The following ABLIM2 variants were observed in gnomAD, a reference collection of about 807,000 sequenced individuals.
ABLIM2 encodes actin binding LIM protein family member 2.
Under a neutral mutation model 97.7 loss-of-function variants are expected in ABLIM2, and 53 were observed. That is an observed-to-expected ratio of 0.54 (90% CI 0.44 to 0.68). The LOEUF is 0.68. Ranked by LOEUF, ABLIM2 falls within the 30% of genes least tolerant of loss-of-function variation. The pLI, the probability that ABLIM2 is intolerant of heterozygous loss-of-function variation, is 0.00. For synonymous variants in ABLIM2, 361 were observed against 345.8 expected, an observed-to-expected ratio of 1.04 and a Z score of -0.49; for missense variants, 835 against 867.2, an observed-to-expected ratio of 0.96 and a Z score of 0.47.
At position 7,970,391 on chromosome 4, in the gene ABLIM2, C is replaced by T. The variant is rs992030413; in HGVS notation, c.1825-3288G>A. Among the ~76,000 whole-genome samples the T allele has an allele frequency of 1.3e-5, 2 of 151,938 alleles. No homozygotes were observed. The highest frequency in any genetic ancestry group is 1.9e-4 in the East Asian group (1 of 5,160). ...TGGTGTGCCCCCTGCCATCTGCAAT[C>T]GTGTACTTAAAGGGAGGAGGACTGG... is the stretch of plus-strand genomic sequence containing the variant. On this transcript the variant is annotated intron_variant, in intron 20 of 20. Transcript: ENST00000447017. The surrounding 1 kb of genome is among the most constrained non-coding windows in gnomAD (Gnocchi z 5.3).
chr4:8,153,599 G>C (rs1713860557), intron 1 of ABLIM2, among the ~76,000 whole-genome samples: 1 of 152,228 alleles, frequency 6.6e-6, no homozygotes, highest in South Asian at 2.1e-4. Flanking sequence ...AGCTGCCTGT[G>C]CTAAGCTCCC....
chr4:8,035,686 G>C (rs191792315), intron 10 of ABLIM2, among the ~76,000 whole-genome samples: 1 of 152,238 alleles, frequency 6.6e-6, no homozygotes, highest in Non-Finnish European at 1.5e-5. Context: ...ATAATCTGTG[G>C]TTCAACCAGG....
chr4:7,973,075 CTGTGTGTGTG>C (rs71175444), intron 20 of ABLIM2, among the ~76,000 whole-genome samples: 3 of 123,972 alleles, frequency 2.4e-5, no homozygotes, highest in Non-Finnish European at 5.1e-5. Context: ...GCTCCCCTTG[CTGTGTGTGTG>C]TGTGTGTGTG....
At chr4:8,142,924 G>C (rs1851214597) in intron 1 of ABLIM2, among the ~76,000 whole-genome samples, 2 of 152,288 alleles carry the variant, frequency 1.3e-5, no homozygotes, top group Admixed American at 1.3e-4. Flanking sequence ...GAGGAAGATA[G>C]CTCAGTGAAT....
chr4:8,088,230 G>A lies in ABLIM2; in HGVS notation c.393C>T (p.Cys131=), dbSNP rs1277563593. Residue 131 remains cysteine (C), a synonymous_variant, in exon 4 of 21, where the codon TGC becomes TGT. Coordinates refer to ENST00000447017, the MANE Select transcript of ABLIM2 (RefSeq NM_001130083.2). ...RVTFNGKECM[C]QKCSLPVSVG... ...CCGATACGGGCAGGGAACACTTCTGGCACATGCATTCCTTCCCGTTGAAGG... is the reference window on the plus strand; with the variant it reads ...CCGATACGGGCAGGGAACACTTCTGACACATGCATTCCTTCCCGTTGAAGG... The A allele has an allele frequency of 6.2e-7, 1 of 1,613,070 alleles. No homozygotes were observed. The highest frequency in any genetic ancestry group is 8.5e-7 in the Non-Finnish European group (1 of 1,179,694).
intron 16 of ABLIM2, chr4:8,007,736 C>T (rs984915117): frequency 2.1e-5 from 23 of 1,102,240 alleles, no homozygotes; most frequent in South Asian, 3.4e-5. Context: ...CCCTGACTTC[C>T]ACCCGGCAGC....
intron 2 of ABLIM2, among the ~76,000 whole-genome samples, chr4:8,101,972 T>C (rs1025328208): frequency 2.6e-5 from 4 of 152,252 alleles, no homozygotes; most frequent in East Asian, 1.9e-4. Flanking sequence ...CCAGCCGCCA[T>C]TGGCTCCAGC....
At chr4:8,080,348 G>C (rs1818974132) in intron 5 of ABLIM2, among the ~76,000 whole-genome samples, 1 of 152,218 alleles carries the variant, frequency 6.6e-6, no homozygotes, top group African/African-American at 2.4e-5. Context: ...GGATGGTGGA[G>C]GGGGACTGCG....
chr4:8,103,378 T>C (rs1419685759), intron 2 of ABLIM2, among the ~76,000 whole-genome samples: 2 of 152,256 alleles, frequency 1.3e-5, no homozygotes, highest in African/African-American at 4.8e-5. Context: ...GAAATCGTAG[T>C]TACTCCATGC....
rs369706545 is a variant in ABLIM2, at chr4:8,044,865, G to A, written c.900+299C>T. Reference sequence around the variant, plus strand: ...CCCAACTGTCGGCTGTTGATGTGACGTGTCTGCACCACTATAAACAACAGC... The same window carrying A: ...CCCAACTGTCGGCTGTTGATGTGACATGTCTGCACCACTATAAACAACAGC... On this transcript the variant is annotated intron_variant, in intron 9 of 20. Transcript: ENST00000447017. The surrounding 1 kb of genome is among the most constrained non-coding windows in gnomAD (Gnocchi z 4.4). Among the ~76,000 whole-genome samples the A allele has an allele frequency of 7.2e-5, 11 of 152,306 alleles. No homozygotes were observed. The highest frequency in any genetic ancestry group is 2.4e-4 in the African/African-American group (10 of 41,572).
rs1171258066 is a variant in ABLIM2 at position 8,122,657 on chromosome 4, G to A, written c.11-16020C>T. On this transcript the variant is annotated intron_variant, in intron 1 of 20. Transcript: ENST00000447017. This position sits in a 1 kb window ranked among gnomAD's most constrained non-coding sequence, Gnocchi z 4.1. ...GGGCTTCCAAGTGTGAATGCTAGGGGAACATGAACATTCACTTCTTAACAC... is the reference window on the plus strand; with the variant it reads ...GGGCTTCCAAGTGTGAATGCTAGGGAAACATGAACATTCACTTCTTAACAC... 6.6e-6 allele frequency among the ~76,000 whole-genome samples: 1 copy of A among 152,202 alleles called. No individual in the cohort carries two copies. Among genetic ancestry groups the A allele is most frequent in the Non-Finnish European group, 1.5e-5 (1 of 68,032 alleles).
intron 8 of ABLIM2, among the ~76,000 whole-genome samples, chr4:8,049,375 G>A (rs944194946): frequency 3.9e-5 from 6 of 152,212 alleles, no homozygotes; most frequent in South Asian, 2.1e-4. Flanking sequence ...TGCCAGGGAC[G>A]TCTGACATGC....
intron 1 of ABLIM2, among the ~76,000 whole-genome samples, chr4:8,116,079 G>A (rs1026175033): frequency 3.3e-5 from 5 of 152,130 alleles, no homozygotes; most frequent in East Asian, 1.9e-4. Flanking sequence ...CCTTTGGGTC[G>A]GCCCAGTGAA....
At chr4:7,971,234 A>G (rs1464598983) in intron 20 of ABLIM2, among the ~76,000 whole-genome samples, 1 of 152,188 alleles carries the variant, frequency 6.6e-6, no homozygotes, top group Non-Finnish European at 1.5e-5. Flanking sequence ...CAGGGCAGGC[A>G]GGGTGGGTGA....
Position 8,008,175 on chromosome 4 carries a change from T to C in ABLIM2, c.1502A>G (p.Lys501Arg). The C allele has an allele frequency of 6.2e-7, 1 of 1,613,722 alleles. No homozygotes were observed. Among genetic ancestry groups the C allele is most frequent in the Non-Finnish European group, 8.5e-7 (1 of 1,179,742 alleles). ...ATTGGTCCTTGTGTCTGCATCCCCC[T>C]TGAGCATCAGCCAGCTGCTCTTCTG... ...RKQKSSWLML[K>R]GDADTRTNSP... The change falls in exon 16 of 21, where the codon AAG becomes AGG. Residue 501 changes from lysine to arginine, a missense_variant. Lys to Arg is a conservative substitution (Grantham distance 26). Coordinates refer to ENST00000447017, the MANE Select transcript of ABLIM2 (RefSeq NM_001130083.2).
chr4:8,029,945 G>A lies in ABLIM2; in HGVS notation c.1048-169C>T, dbSNP rs112306043. Among the ~76,000 whole-genome samples, 185 of 152,306 alleles carry A rather than the reference G, an allele frequency of 1.2e-3. 2 individuals carry two copies. Among genetic ancestry groups the A allele is most frequent in the African/African-American group, 3.2e-3 (132 of 41,566 alleles). ...CCTGTCAGGGCAGGTCTGAAGAGCC[G>A]AGTGGGGCTGGTGTGGTGCAGACAC... On this transcript the variant is annotated intron_variant, in intron 10 of 20. Coordinates refer to ENST00000447017, the MANE Select transcript of ABLIM2 (RefSeq NM_001130083.2).
At chr4:7,967,989 A>G (rs960715390) in intron 20 of ABLIM2, among the ~76,000 whole-genome samples, 1 of 151,584 alleles carries the variant, frequency 6.6e-6, no homozygotes, top group South Asian at 2.1e-4. Context: ...TGCAACCCCT[A>G]CTCTCCTGCC....
chr4:8,105,271 C>A (rs1028328266), intron 2 of ABLIM2, among the ~76,000 whole-genome samples: 1 of 152,142 alleles, frequency 6.6e-6, no homozygotes, highest in Non-Finnish European at 1.5e-5. Context: ...TGTGGGCATC[C>A]CCCCCTACAC....
chr4:8,091,607 TTATGTATAATTTTATATAAAATTA>T (rs1480832735), intron 3 of ABLIM2, among the ~76,000 whole-genome samples: 1 of 37,022 alleles, frequency 2.7e-5, no homozygotes, highest in Middle Eastern at 0.033. Context: ...ATTATATATA[TTATGTATAATTTTATATAAAATTA>T]TATATATAAT....
Sources: allele counts gnomAD v4.1 joint callset (sites outside exome capture counted in the v4.1 genomes callset), GRCh38; gene constraint gnomAD v4.1.1; non-coding constraint Gnocchi (gnomAD v3.1); transcripts MANE v1.5; gene names NCBI Gene and HGNC (gene_info 2026-07-23, HGNC 2026-07-21).